Variants in SOCS5 observed in about 807,000 individuals in gnomAD.
SOCS5 encodes suppressor of cytokine signaling 5.
SOCS5 carries 32 observed loss-of-function variants against 42.8 expected under a neutral mutation model. That is an observed-to-expected ratio of 0.75 (90% CI 0.56 to 1.01). The LOEUF (loss-of-function observed/expected upper bound fraction) is 1.01. Ranked by LOEUF, SOCS5 falls within the 50% of genes least tolerant of loss-of-function variation. SOCS5 has a pLI of 0.00. For missense variants in SOCS5, 627 were observed against 653.0 expected (o/e 0.96, Z 0.43); for synonymous variants, 283 against 229.6 (o/e 1.23, Z -2.10).
chr2:46,740,277 C>T (rs1673341557), intron 1 of SOCS5, among the ~76,000 whole-genome samples: 1 of 152,164 alleles, frequency 6.6e-6, no homozygotes, highest in African/African-American at 2.4e-5. Context: ...GGCCACTGCC[C>T]AACCAGGTGG....
chr2:46,741,573 C>T (rs1673377539), intron 1 of SOCS5, among the ~76,000 whole-genome samples: 1 of 151,996 alleles, frequency 6.6e-6, no homozygotes, highest in Non-Finnish European at 1.5e-5. Context: ...AGAAACTATC[C>T]AGAAATAACC....
At chr2:46,755,737 A>G (rs1673718441) in intron 1 of SOCS5, among the ~76,000 whole-genome samples, 1 of 152,188 alleles carries the variant, frequency 6.6e-6, no homozygotes, top group Admixed American at 6.5e-5. Flanking sequence ...TGTAATTTAG[A>G]TCTCAAAGGG....
Position 46,758,651 on chromosome 2 carries a change from A to G in SOCS5, c.121A>G (p.Lys41Glu). Residue 41 changes from lysine to glutamate, a missense_variant, in exon 2 of 2, where the codon AAA becomes GAA. Coordinates refer to ENST00000394861, the MANE Select transcript of SOCS5 (RefSeq NM_144949.3). ...DMNSNRCLSVKEKNISIGDST... is the reference protein window; with the variant it reads ...DMNSNRCLSVEEKNISIGDST... Reference sequence around the variant, plus strand: ...GAACTCCAACAGATGTTTGTCTGTCAAAGAGAAAAACATCAGCATAGGAGA... The same window carrying G: ...GAACTCCAACAGATGTTTGTCTGTCGAAGAGAAAAACATCAGCATAGGAGA... 6.2e-7 allele frequency: 1 copy of G among 1,614,134 alleles called. No homozygotes were observed. Among genetic ancestry groups the G allele is most frequent in the South Asian group, 1.1e-5 (1 of 91,088 alleles).
chr2:46,741,611 T>G (rs72802454), intron 1 of SOCS5, among the ~76,000 whole-genome samples: 7,356 of 152,278 alleles, frequency 0.048, 259 homozygotes, highest in Non-Finnish European at 0.08. Context: ...CTATATTTTT[T>G]AAAAAATGTT....
At chr2:46,749,356 T>C (rs953466367) in intron 1 of SOCS5, among the ~76,000 whole-genome samples, 1 of 152,154 alleles carries the variant, frequency 6.6e-6, no homozygotes, top group Non-Finnish European at 1.5e-5. Flanking sequence ...GTTTTTACCT[T>C]ATGTCATGTT....
chr2:46,709,275 A>G (rs1672562540), intron 1 of SOCS5, among the ~76,000 whole-genome samples: 1 of 152,192 alleles, frequency 6.6e-6, no homozygotes, highest in Admixed American at 6.5e-5. Flanking sequence ...GAAAAATAAA[A>G]ACAGCTTGAG....
chr2:46,743,027 A>T (rs1673413009), intron 1 of SOCS5, among the ~76,000 whole-genome samples: 1 of 152,190 alleles, frequency 6.6e-6, no homozygotes, highest in Non-Finnish European at 1.5e-5. Context: ...TTACCCATTC[A>T]TCTTATGGGA....
In SOCS5 at chr2:46,711,127, G is replaced by A. The variant is rs749006899; in HGVS notation, c.-13+11678G>A. Reference sequence around the variant, plus strand: ...AGCTACCATGAACATTCTTGTATAAGTCTTTTTGTGACATGTTTTCTTTTC... The same window carrying A: ...AGCTACCATGAACATTCTTGTATAAATCTTTTTGTGACATGTTTTCTTTTC... On this transcript the variant is annotated intron_variant, in intron 1 of 1. Coordinates refer to ENST00000394861, the MANE Select transcript of SOCS5 (RefSeq NM_144949.3). Among the ~76,000 whole-genome samples the A allele has an allele frequency of 3.3e-5, 5 of 152,284 alleles. No individual in the cohort carries two copies. The South Asian group carries it at 6.2e-4, about 19-fold the overall frequency.
chr2:46,714,798 T>G (rs72802428), intron 1 of SOCS5, among the ~76,000 whole-genome samples: 6,519 of 152,322 alleles, frequency 0.043, 203 homozygotes, highest in Non-Finnish European at 0.071. Flanking sequence ...TTGGCTGGTG[T>G]TGTTTCTTTT....
intron 1 of SOCS5, among the ~76,000 whole-genome samples, chr2:46,742,236 C>G (rs1286823392): frequency 5.3e-5 from 8 of 151,788 alleles, no homozygotes; most frequent in African/African-American, 1.9e-4. Flanking sequence ...TTGTGTTTTA[C>G]CATTTTCTTT....
intron 1 of SOCS5, among the ~76,000 whole-genome samples, chr2:46,715,702 G>A (rs1346572670): frequency 6.6e-6 from 1 of 152,062 alleles, no homozygotes. Context: ...TATATAATAT[G>A]TTTTTTTCCT....
intron 1 of SOCS5, among the ~76,000 whole-genome samples, chr2:46,709,879 C>G (rs1309352122): frequency 6.6e-6 from 1 of 152,120 alleles, no homozygotes; most frequent in Non-Finnish European, 1.5e-5. Context: ...TCCCTTGTAT[C>G]TTTTTGTTTT....
chr2:46,727,428 G>A (rs190192484), intron 1 of SOCS5, among the ~76,000 whole-genome samples: 2 of 152,152 alleles, frequency 1.3e-5, no homozygotes, highest in East Asian at 1.9e-4. Context: ...TGCATCCTGG[G>A]CATCTTCAAT....
chr2:46,723,853 T>G (rs1485460680), intron 1 of SOCS5, among the ~76,000 whole-genome samples: 1 of 152,064 alleles, frequency 6.6e-6, no homozygotes, highest in Non-Finnish European at 1.5e-5. Flanking sequence ...GTAGATCAGA[T>G]GAGAAGAATT....
chr2:46,759,478 A>G lies in SOCS5; in HGVS notation c.948A>G (p.Ala316=). The G allele has an allele frequency of 6.2e-7, 1 of 1,613,988 alleles. No homozygotes were observed. The highest frequency in any genetic ancestry group is 8.5e-7 in the Non-Finnish European group (1 of 1,179,858). The part of the protein sequence containing the change: ...GMTEISGDSS[A]IPQANCDSEE... ...CTGAAATAAGTGGGGACAGTTCTGC[A>G]ATTCCACAAGCTAATTGTGACTCGG... The change falls in exon 2 of 2, where the codon GCA becomes GCG. Residue 316 remains alanine, a synonymous_variant. Coordinates refer to ENST00000394861, the MANE Select transcript of SOCS5 (RefSeq NM_144949.3).
rs1347451388 is a variant in SOCS5, at chr2:46,755,864, T to G, written c.-12-2655T>G. 3.9e-5 allele frequency among the ~76,000 whole-genome samples: 6 copies of G among 152,318 alleles called. No homozygotes were observed. In the East Asian group the frequency reaches 1.2e-3, roughly 29 times the overall value. On this transcript the variant is annotated intron_variant, in intron 1 of 1. Coordinates refer to ENST00000394861, the MANE Select transcript of SOCS5 (RefSeq NM_144949.3). Reference sequence around the variant, plus strand: ...ATGCCTTCCTGATTGTTATGTCGACTAGTCTGTGAATTACTGTCCGTATTT... The same window carrying G: ...ATGCCTTCCTGATTGTTATGTCGACGAGTCTGTGAATTACTGTCCGTATTT...
At chr2:46,750,395 CT>C (rs1673597930) in intron 1 of SOCS5, among the ~76,000 whole-genome samples, 1 of 151,856 alleles carries the variant, frequency 6.6e-6, no homozygotes, top group African/African-American at 2.4e-5. Flanking sequence ...CTAAAATTGT[CT>C]TTTTTGGAGA....
At chr2:46,736,096 G>A (rs7606134) in intron 1 of SOCS5, among the ~76,000 whole-genome samples, 2,837 of 150,946 alleles carry the variant, frequency 0.019, 74 homozygotes, top group African/African-American at 0.061. Flanking sequence ...GCTGAAGTGC[G>A]GTGGTGCCAT....
intron 1 of SOCS5, among the ~76,000 whole-genome samples, chr2:46,752,343 T>A (rs754988295): frequency 3.3e-5 from 5 of 152,072 alleles, no homozygotes; most frequent in Admixed American, 2.0e-4. Flanking sequence ...TGGAACAGTT[T>A]CATCCTAAAA....
Sources: gnomAD v4.1 joint callset for allele counts (sites outside exome capture counted in the v4.1 genomes callset) on GRCh38, gnomAD v4.1.1 for gene constraint, MANE v1.5 for transcripts, NCBI Gene and HGNC (gene_info 2026-07-23, HGNC 2026-07-21) for gene names.